Variants in GAB2 observed in about 807,000 individuals in gnomAD.
GAB2 encodes GRB2-associated-binding protein 2.
In GAB2, 26 loss-of-function variants were observed where a neutral mutation model predicts 65.5. The ratio of observed to expected loss-of-function variants is 0.40; its 90% confidence interval spans 0.29 to 0.55. GAB2 has a LOEUF of 0.55. Ranked by LOEUF, GAB2 falls within the 20% of genes least tolerant of loss-of-function variation. The pLI is 0.53. For missense variants in GAB2, 884 were observed against 875.8 expected (o/e 1.01, Z -0.12); for synonymous variants, 321 against 329.6 (o/e 0.97, Z 0.28).
At chr11:78,383,682 C>T (rs866258449) in intron 1 of GAB2, among the ~76,000 whole-genome samples, 1 of 151,392 alleles carries the variant, frequency 6.6e-6, no homozygotes, top group Middle Eastern at 3.4e-3. Flanking sequence ...GGCTTCAGCC[C>T]AGGAGGCAGA....
intron 7 of GAB2, 52 bp from the exon 8 acceptor site, chr11:78,221,831 T>C: frequency 7.6e-7 from 1 of 1,308,374 alleles, no homozygotes; most frequent in Non-Finnish European, 1.1e-6. Flanking sequence ...GCTGCTGCCA[T>C]GTTTCTAGCC....
chr11:78,411,575 A>T (rs1857129258), intron 1 of GAB2, among the ~76,000 whole-genome samples: 2 of 152,226 alleles, frequency 1.3e-5, no homozygotes. Context: ...CTGATTTTTG[A>T]CAAAGACGGA....
rs538257118 is a variant in GAB2 at position 78,223,961 on chromosome 11, A to G, written c.1303-285T>C. 8.5e-5 allele frequency among the ~76,000 whole-genome samples: 13 copies of G among 152,314 alleles called. No homozygotes were observed. In the South Asian group the frequency reaches 2.7e-3, roughly 32 times the overall value. ...GCTGGGCGTGGTGGCATATGCTTGT[A>G]GTCCCAGCTACTCAGGAGGCTGAGG... On this transcript the variant is annotated intron_variant, in intron 5 of 9. Transcript: ENST00000361507.
intron 1 of GAB2, among the ~76,000 whole-genome samples, chr11:78,400,455 G>C (rs1856954603): frequency 6.6e-6 from 1 of 152,166 alleles, no homozygotes; most frequent in African/African-American, 2.4e-5. Context: ...GAAGGGAAAG[G>C]ATACAGTATA....
chr11:78,349,287 G>C (rs1055654984), intron 1 of GAB2, among the ~76,000 whole-genome samples: 1 of 152,188 alleles, frequency 6.6e-6, no homozygotes, highest in Admixed American at 6.5e-5. Flanking sequence ...TGGGAAAACA[G>C]GAAGCTGTAT....
chr11:78,286,271 C>A (rs1866478846), intron 1 of GAB2, among the ~76,000 whole-genome samples: 1 of 152,114 alleles, frequency 6.6e-6, no homozygotes, highest in Non-Finnish European at 1.5e-5. Context: ...TTTCACCTTA[C>A]CTCATCCATC....
intron 1 of GAB2, among the ~76,000 whole-genome samples, chr11:78,288,993 T>A (rs913385175): frequency 6.6e-6 from 1 of 152,242 alleles, no homozygotes; most frequent in Non-Finnish European, 1.5e-5. Flanking sequence ...ATAGATCAAT[T>A]CTTGGCCGTT....
At chr11:78,304,704 G>T (rs1855315208) in intron 1 of GAB2, among the ~76,000 whole-genome samples, 1 of 152,152 alleles carries the variant, frequency 6.6e-6, no homozygotes, top group Non-Finnish European at 1.5e-5. Context: ...GCTACCTGCA[G>T]CCTGACATTA....
At chr11:78,236,151 G>T (rs1157144387) in intron 3 of GAB2, among the ~76,000 whole-genome samples, 5 of 152,180 alleles carry the variant, frequency 3.3e-5, no homozygotes, top group Admixed American at 6.5e-5. Flanking sequence ...GTGAAGAGGT[G>T]TTGCATGTTT....
At chr11:78,301,923 C>G (rs1211679288) in intron 1 of GAB2, among the ~76,000 whole-genome samples, 10 of 152,036 alleles carry the variant, frequency 6.6e-5, no homozygotes, top group Admixed American at 6.6e-4. Context: ...ACAAAGCGAA[C>G]AAAAACAAAA....
At chr11:78,269,880 T>C (rs1590984397) in intron 2 of GAB2, among the ~76,000 whole-genome samples, 1 of 152,182 alleles carries the variant, frequency 6.6e-6, no homozygotes, top group African/African-American at 2.4e-5. Context: ...TTCGAGAAGG[T>C]AAAAAACTAA....
At chr11:78,374,440 G>A (rs955749159) in intron 1 of GAB2, among the ~76,000 whole-genome samples, 1 of 152,076 alleles carries the variant, frequency 6.6e-6, no homozygotes, top group Non-Finnish European at 1.5e-5. Flanking sequence ...AAAGACTTGG[G>A]GGTTACCCGG....
intron 1 of GAB2, among the ~76,000 whole-genome samples, chr11:78,407,718 C>T (rs1292924956): frequency 5.5e-5 from 5 of 91,084 alleles, no homozygotes; most frequent in Non-Finnish European, 1.1e-4. Context: ...CATTTTCCGT[C>T]CCAAAAAGAA....
At chr11:78,245,493 T>A (rs1865270258) in intron 3 of GAB2, among the ~76,000 whole-genome samples, 1 of 152,130 alleles carries the variant, frequency 6.6e-6, no homozygotes, top group Non-Finnish European at 1.5e-5. Context: ...AAAATCTCTC[T>A]CAAAACTGAA....
At chr11:78,409,756 C>T (rs1365994878) in intron 1 of GAB2, among the ~76,000 whole-genome samples, 2 of 152,080 alleles carry the variant, frequency 1.3e-5, no homozygotes, top group Non-Finnish European at 2.9e-5. Flanking sequence ...ATATATATCA[C>T]TATCAATCAA....
intron 1 of GAB2, among the ~76,000 whole-genome samples, chr11:78,303,904 T>A (rs542222775): frequency 6.6e-6 from 1 of 152,312 alleles, no homozygotes; most frequent in South Asian, 2.1e-4. Flanking sequence ...TTGAGGGACC[T>A]CATTCTCATG....
intron 4 of GAB2, 53 bp downstream of exon 4, chr11:78,226,412 A>T: frequency 7.3e-7 from 1 of 1,375,170 alleles, no homozygotes; most frequent in African/African-American, 1.4e-5. Context: ...ACTATTGAGA[A>T]CCCCTGTGTT....
intron 1 of GAB2, among the ~76,000 whole-genome samples, chr11:78,390,446 G>A (rs1366520375): frequency 2.0e-5 from 3 of 152,182 alleles, no homozygotes; most frequent in Non-Finnish European, 4.4e-5. Context: ...AAAATTAGCT[G>A]AGTATGGTGG....
At chr11:78,239,507 C>A (rs1209162114) in intron 3 of GAB2, among the ~76,000 whole-genome samples, 1 of 152,180 alleles carries the variant, frequency 6.6e-6, no homozygotes, top group Non-Finnish European at 1.5e-5. Context: ...GCGTGAGCCA[C>A]CACACCTGGC....
Sources: allele counts gnomAD v4.1 joint callset (sites outside exome capture counted in the v4.1 genomes callset), GRCh38; gene constraint gnomAD v4.1.1; transcripts MANE v1.5; gene names NCBI Gene and HGNC (gene_info 2026-07-23, HGNC 2026-07-21).